CTNNA3: variants seen among roughly 807,000 people sequenced by gnomAD.
CTNNA3 encodes the protein catenin alpha-3.
CTNNA3 carries 76 observed loss-of-function variants against 95.7 expected under a neutral mutation model. That is an observed-to-expected ratio of 0.79 (90% CI 0.66 to 0.96). CTNNA3 has a LOEUF of 0.96. Ranked by LOEUF, CTNNA3 falls within the 40% of genes least tolerant of loss-of-function variation. The probability of loss-of-function intolerance (pLI) is 0.00; values close to 1 mark genes in which losing one functional copy is unlikely to be tolerated. For synonymous variants in CTNNA3, 431 were observed against 374.4 expected (o/e 1.15, Z -1.74); for missense variants, 1,191 against 1,089.8 (o/e 1.09, Z -1.31).
chr10:67,227,432 G>GC (rs1433488595), intron 5 of CTNNA3, among the ~76,000 whole-genome samples: 2 of 152,012 alleles, frequency 1.3e-5, no homozygotes, highest in Non-Finnish European at 2.9e-5. Flanking sequence ...CAAACTTAAA[G>GC]CAACAGCAGC....
At chr10:66,697,183 T>C (rs1400569735) in intron 9 of CTNNA3, among the ~76,000 whole-genome samples, 2 of 151,012 alleles carry the variant, frequency 1.3e-5, no homozygotes, top group Admixed American at 1.3e-4. Flanking sequence ...CCACTTTTAT[T>C]ACTTTTATTA....
chr10:66,423,035 G>A (rs534446777), intron 11 of CTNNA3, among the ~76,000 whole-genome samples: 5 of 152,128 alleles, frequency 3.3e-5, no homozygotes, highest in Non-Finnish European at 7.4e-5. Context: ...TACACCTGGT[G>A]GTAGTTTTAC....
At chr10:66,220,067 G>A (rs899510151) in intron 13 of CTNNA3, among the ~76,000 whole-genome samples, 7 of 152,116 alleles carry the variant, frequency 4.6e-5, no homozygotes, top group Non-Finnish European at 1.0e-4. Flanking sequence ...AGGTTGCAGT[G>A]AGCCGAGATC....
chr10:67,727,518 CAT>C (rs1046411398), intron 1 of CTNNA3, among the ~76,000 whole-genome samples: 26 of 127,102 alleles, frequency 2.0e-4, no homozygotes, highest in Admixed American at 7.5e-4. Flanking sequence ...TATAACATAT[CAT>C]ATATTATGTA....
intron 15 of CTNNA3, among the ~76,000 whole-genome samples, chr10:66,049,537 C>A (rs2079904519): frequency 6.6e-6 from 1 of 152,150 alleles, no homozygotes; most frequent in Non-Finnish European, 1.5e-5. Flanking sequence ...GGCATGGAAT[C>A]AACCTAAATG....
At position 67,760,246 on chromosome 10, in the gene CTNNA3, G is replaced by A. The variant is rs115351247; in HGVS notation, c.-2+3188C>T. 3.6e-3 allele frequency among the ~76,000 whole-genome samples: 554 copies of A among 152,212 alleles called. 6 individuals are homozygous for A. Among genetic ancestry groups the A allele is most frequent in the African/African-American group, 0.013 (526 of 41,522 alleles). On this transcript the variant is annotated intron_variant, in intron 1 of 17. Transcript: ENST00000684154. ...AAAAATTACCCATCACAACACATTC[G>A]TTATCTGACATATGCCTTCAACATT...
intron 7 of CTNNA3, among the ~76,000 whole-genome samples, chr10:66,963,170 A>G (rs1849213322): frequency 6.6e-6 from 1 of 152,166 alleles, no homozygotes; most frequent in African/African-American, 2.4e-5. Context: ...CTATAGAAAT[A>G]CTGTAAAAAC....
At chr10:67,319,122 C>G (rs1192339700) in intron 5 of CTNNA3, among the ~76,000 whole-genome samples, 3 of 152,176 alleles carry the variant, frequency 2.0e-5, no homozygotes, top group Non-Finnish European at 4.4e-5. Context: ...CAATAAAAAC[C>G]CTGAGCACTG....
intron 13 of CTNNA3, among the ~76,000 whole-genome samples, chr10:66,157,880 T>C (rs938658369): frequency 7.9e-5 from 12 of 152,072 alleles, no homozygotes; most frequent in African/African-American, 1.4e-4. Context: ...TGGTATCGCA[T>C]TGTGGTTTTG....
At chr10:66,101,505 G>A (rs2081628559) in intron 14 of CTNNA3, among the ~76,000 whole-genome samples, 1 of 152,092 alleles carries the variant, frequency 6.6e-6, no homozygotes, top group Non-Finnish European at 1.5e-5. Context: ...CAATCTGAAT[G>A]TCTGAAAACA....
chr10:66,355,684 T>C (rs557504104), intron 12 of CTNNA3, among the ~76,000 whole-genome samples: 1 of 152,194 alleles, frequency 6.6e-6, no homozygotes, highest in African/African-American at 2.4e-5. Context: ...TTTCACTCTT[T>C]TAACAGTGCC....
At chr10:66,030,283 A>G (rs1304765292) in intron 15 of CTNNA3, among the ~76,000 whole-genome samples, 2 of 152,184 alleles carry the variant, frequency 1.3e-5, no homozygotes, top group African/African-American at 4.8e-5. Flanking sequence ...AGCAAAAAGA[A>G]CAAAGCAGAA....
intron 1 of CTNNA3, among the ~76,000 whole-genome samples, chr10:67,657,203 A>C (rs1840049530): frequency 6.6e-6 from 1 of 152,176 alleles, no homozygotes; most frequent in South Asian, 2.1e-4. Flanking sequence ...GTTGCCATTA[A>C]CTGAGGTGGG....
intron 11 of CTNNA3, among the ~76,000 whole-genome samples, chr10:66,440,776 C>T (rs952549689): frequency 1.6e-5 from 2 of 126,616 alleles, no homozygotes; most frequent in African/African-American, 6.7e-5. Context: ...TTCCTGTGTA[C>T]AGTTTCTTGT....
intron 14 of CTNNA3, among the ~76,000 whole-genome samples, chr10:66,069,712 C>T (rs2080391608): frequency 6.6e-6 from 1 of 152,072 alleles, no homozygotes; most frequent in East Asian, 1.9e-4. Context: ...TTTAGAATAA[C>T]ACTGTAGAAC....
At chr10:67,248,058 C>T (rs946390253) in intron 5 of CTNNA3, among the ~76,000 whole-genome samples, 14 of 152,104 alleles carry the variant, frequency 9.2e-5, no homozygotes, top group African/African-American at 2.7e-4. Context: ...CAGTGGCTCA[C>T]GCCTGTAATC....
chr10:67,535,169 C>T (rs184367974), intron 4 of CTNNA3, among the ~76,000 whole-genome samples: 95 of 151,944 alleles, frequency 6.3e-4, no homozygotes, highest in African/African-American at 2.1e-3. Flanking sequence ...TCAAGAAGTG[C>T]TTGAAAATGA....
intron 1 of CTNNA3, among the ~76,000 whole-genome samples, chr10:67,673,720 C>T (rs971551017): frequency 6.8e-6 from 1 of 148,092 alleles, no homozygotes; most frequent in Non-Finnish European, 1.5e-5. Context: ...CCCACTTGAT[C>T]AAACTAAATC....
chr10:67,174,269 T>C (rs1862143640), intron 7 of CTNNA3, among the ~76,000 whole-genome samples: 1 of 152,202 alleles, frequency 6.6e-6, no homozygotes, highest in African/African-American at 2.4e-5. Flanking sequence ...ATTCTCACAA[T>C]TAATTTTTAT....
Sources: gnomAD v4.1 joint callset for allele counts (sites outside exome capture counted in the v4.1 genomes callset) on GRCh38, gnomAD v4.1.1 for gene constraint, MANE v1.5 for transcripts, NCBI Gene and HGNC (gene_info 2026-07-23, HGNC 2026-07-21) for gene names.